The following CEMIP variants were observed in gnomAD, a reference collection of about 807,000 sequenced individuals.
CEMIP encodes cell migration-inducing and hyaluronan-binding protein.
CEMIP carries 105 observed loss-of-function variants against 156.9 expected under a neutral mutation model. That is an observed-to-expected ratio of 0.67 (90% confidence interval 0.57 to 0.79). The LOEUF is 0.79. Among genes scored for constraint, CEMIP ranks in the 30% least tolerant of loss-of-function variants. The pLI is 0.00. For synonymous variants in CEMIP, 676 were observed against 668.4 expected, an observed-to-expected ratio of 1.01 and a Z score of -0.17; for missense variants, 1,457 against 1,769.4, an observed-to-expected ratio of 0.82 and a Z score of 3.17.
chr15:80,917,180 A>G (rs1351798732), intron 14 of CEMIP, among the ~76,000 whole-genome samples: 2 of 152,144 alleles, frequency 1.3e-5, no homozygotes, highest in Non-Finnish European at 2.9e-5. Flanking sequence ...CATTTTTTAG[A>G]ATAGGAATAT....
At chr15:80,804,454 C>T (rs560652958) in intron 1 of CEMIP, among the ~76,000 whole-genome samples, 14 of 152,302 alleles carry the variant, frequency 9.2e-5, no homozygotes, top group African/African-American at 2.4e-4. Flanking sequence ...CTTTTAGCTT[C>T]AATACCATGT....
chr15:80,836,317 G>A (rs1296811738), intron 1 of CEMIP, among the ~76,000 whole-genome samples: 1 of 152,218 alleles, frequency 6.6e-6, no homozygotes, highest in Non-Finnish European at 1.5e-5. Context: ...GGCTGAGGAG[G>A]ACAGTGTTCC....
At chr15:80,890,451 G>A (rs1232416113) in intron 10 of CEMIP, among the ~76,000 whole-genome samples, 3 of 151,450 alleles carry the variant, frequency 2.0e-5, no homozygotes, top group Non-Finnish European at 4.4e-5. Flanking sequence ...TTAGCTTGGT[G>A]TGGTGGCGGG....
At chr15:80,918,998 C>T (rs1195721304) in intron 14 of CEMIP, among the ~76,000 whole-genome samples, 1 of 152,160 alleles carries the variant, frequency 6.6e-6, no homozygotes, top group Non-Finnish European at 1.5e-5. Flanking sequence ...GGAGGCTTGT[C>T]TAAGATCCCC....
chr15:80,830,028 C>G (rs1897126869), intron 1 of CEMIP, among the ~76,000 whole-genome samples: 1 of 143,430 alleles, frequency 7.0e-6, no homozygotes, highest in South Asian at 2.2e-4. Flanking sequence ...AATAAGCAAC[C>G]AGGCCACTGC....
intron 24 of CEMIP, 100 bp downstream of exon 24, chr15:80,936,985 A>G (rs908480130): frequency 3.7e-5 from 41 of 1,121,288 alleles, no homozygotes; most frequent in Non-Finnish European, 4.8e-5. Context: ...AGGCTAGCCC[A>G]TGTGATCCAT....
At chr15:80,912,422 C>T (rs1052376945) in intron 14 of CEMIP, among the ~76,000 whole-genome samples, 2 of 152,218 alleles carry the variant, frequency 1.3e-5, no homozygotes, top group Non-Finnish European at 2.9e-5. Context: ...ATTGTACAGA[C>T]ACTAGGTGGC....
chr15:80,845,343 A>G (rs1295827051), intron 1 of CEMIP, among the ~76,000 whole-genome samples: 1 of 152,078 alleles, frequency 6.6e-6, no homozygotes, highest in Non-Finnish European at 1.5e-5. Flanking sequence ...AGGCGGGAGG[A>G]TCTCTTGAGC....
At chr15:80,848,953 A>ATTTTTTTTTTTTTTT (rs764417438) in intron 1 of CEMIP, among the ~76,000 whole-genome samples, 1 of 72,462 alleles carries the variant, frequency 1.4e-5, no homozygotes, top group African/African-American at 6.7e-5. Context: ...CTCTTTAGAA[A>ATTTTTTTTTTTTTTT]TTTTTTTTTT....
chr15:80,791,874 AG>A (rs1314238246), intron 1 of CEMIP, among the ~76,000 whole-genome samples: 1 of 152,182 alleles, frequency 6.6e-6, no homozygotes, highest in Non-Finnish European at 1.5e-5. Context: ...TTTGGGGAGG[AG>A]GGAGTAGTCA....
chr15:80,895,657 G>T (rs866829698), intron 11 of CEMIP, among the ~76,000 whole-genome samples: 1 of 152,118 alleles, frequency 6.6e-6, no homozygotes, highest in South Asian at 2.1e-4. Context: ...AAATTCCCCC[G>T]CCCAGAGCTA....
intron 1 of CEMIP, among the ~76,000 whole-genome samples, chr15:80,862,611 T>C (rs1898015434): frequency 6.6e-6 from 1 of 152,210 alleles, no homozygotes; most frequent in Non-Finnish European, 1.5e-5. Context: ...ATGGGCCACT[T>C]TCACTGTGAG....
intron 1 of CEMIP, among the ~76,000 whole-genome samples, chr15:80,824,385 G>T (rs1173175122): frequency 6.6e-6 from 1 of 152,100 alleles, no homozygotes; most frequent in Non-Finnish European, 1.5e-5. Flanking sequence ...CTCATCTTTT[G>T]GGCTTCTGGG....
intron 1 of CEMIP, among the ~76,000 whole-genome samples, chr15:80,858,452 G>A (rs747949135): frequency 6.6e-6 from 1 of 151,972 alleles, no homozygotes; most frequent in Non-Finnish European, 1.5e-5. Context: ...GGTGGCTCAC[G>A]CCTGTAATCC....
At position 80,844,201 on chromosome 15, in the gene CEMIP, C is replaced by T. The variant is rs1477918144; in HGVS notation, c.-175-29337C>T. ...GTGTCCGGAGCAGCTGGTCAGTGGG[C>T]GTGGAGCTCCTGCTTGTGTGCCCCC... On this transcript the variant is annotated intron_variant, in intron 1 of 29. Transcript: ENST00000394685. 2.6e-5 allele frequency among the ~76,000 whole-genome samples: 4 copies of T among 152,226 alleles called. No individual in the cohort carries two copies. In the East Asian group the frequency reaches 5.8e-4, roughly 22 times the overall value.
At chr15:80,794,357 G>C (rs970676189) in intron 1 of CEMIP, among the ~76,000 whole-genome samples, 1 of 152,100 alleles carries the variant, frequency 6.6e-6, no homozygotes, top group Admixed American at 6.5e-5. Context: ...ACTGAAGTCA[G>C]CTTATAATAT....
At chr15:80,799,039 A>C (rs1896304185) in intron 1 of CEMIP, among the ~76,000 whole-genome samples, 1 of 152,184 alleles carries the variant, frequency 6.6e-6, no homozygotes, top group South Asian at 2.1e-4. Flanking sequence ...CTGCCAGTAA[A>C]AGCTTATTTG....
rs1567073517 is a variant in CEMIP at position 80,863,627 on chromosome 15, T to C, written c.-175-9911T>C. ...ATTTTATTTTGTAATTAAAACAAAT[T>C]ATGCATTTCAAAAGCTTGAGCATGG... is the stretch of plus-strand genomic sequence containing the variant. On this transcript the variant is annotated intron_variant, in intron 1 of 29. Transcript: ENST00000394685. Among the ~76,000 whole-genome samples, 4 of 152,312 alleles carry C rather than the reference T, an allele frequency of 2.6e-5. No individual in the cohort carries two copies. The South Asian group carries it at 8.3e-4, about 32-fold the overall frequency.
intron 1 of CEMIP, among the ~76,000 whole-genome samples, chr15:80,861,859 G>A (rs1178546527): frequency 1.3e-5 from 2 of 152,236 alleles, no homozygotes; most frequent in African/African-American, 4.8e-5. Flanking sequence ...GAGTAGACTT[G>A]GGTAGCTCCA....
Sources: gnomAD v4.1 joint callset for allele counts (sites outside exome capture counted in the v4.1 genomes callset) on GRCh38, gnomAD v4.1.1 for gene constraint, MANE v1.5 for transcripts, NCBI Gene and HGNC (gene_info 2026-07-23, HGNC 2026-07-21) for gene names.